The following FGF13 variants were observed in gnomAD, a reference collection of about 807,000 sequenced individuals.
FGF13 encodes fibroblast growth factor homologous factor 2.
A neutral mutation model predicts 19.5 loss-of-function variants in FGF13; 2 were observed. That is an observed-to-expected ratio of 0.10 (90% CI 0.04 to 0.32). FGF13 has a LOEUF of 0.32. Ranked by LOEUF, FGF13 falls within the 10% of genes least tolerant of loss-of-function variation. The pLI is 1.00. For missense variants in FGF13, 113 were observed against 192.7 expected, an observed-to-expected ratio of 0.59 and a Z score of 2.45; for synonymous variants, 72 against 76.9, an observed-to-expected ratio of 0.94 and a Z score of 0.33.
rs1357639276 is a variant in FGF13, at chrX:138,711,202, G to A, written c.-199C>T. ...ATGCCGTCCGAGCTCCTCCGGCGGC[G>A]GTCCGGCTCCCGCGCGGGCTGCTGG... On this transcript the variant is annotated 5_prime_UTR_variant, in exon 1 of 5. Coordinates refer to ENST00000315930, the MANE Select transcript of FGF13 (RefSeq NM_004114.5). 8 of 1,062,351 alleles carry A rather than the reference G, an allele frequency of 7.5e-6. No homozygotes were observed. The African/African-American group carries it at 1.3e-4, about 18-fold the overall frequency. 87.5% of individuals were successfully genotyped at this position (1,062,351 alleles called of 1,213,427 possible). A position where few individuals can be genotyped will look rare whatever the true frequency, so the allele number is the denominator to read the frequency against.
At chrX:138,980,657 G>A (rs1213468459) in intron 1 of FGF13, among the ~76,000 whole-genome samples, 5 of 90,322 alleles carry the variant, frequency 5.5e-5, no homozygotes, top group Non-Finnish European at 8.6e-5. Flanking sequence ...CATCACTATG[G>A]ATGCTTCCAG....
At chrX:138,754,043 A>T (rs1222807158) in intron 3 of FGF13, among the ~76,000 whole-genome samples, 1 of 112,184 alleles carries the variant, frequency 8.9e-6, no homozygotes, top group East Asian at 2.8e-4. Flanking sequence ...GTGGTAACAA[A>T]TAGTTTCCAA....
At chrX:138,838,146 C>T (rs2091125556) in intron 3 of FGF13, among the ~76,000 whole-genome samples, 4 of 111,804 alleles carry the variant, frequency 3.6e-5, no homozygotes, top group Non-Finnish European at 7.5e-5. Flanking sequence ...TGCAATACTG[C>T]TACTGGTGAC....
At chrX:138,866,878 A>G (rs896409455) in intron 1 of FGF13, among the ~76,000 whole-genome samples, 12 of 111,786 alleles carry the variant, frequency 1.1e-4, no homozygotes, top group African/African-American at 3.6e-4. Flanking sequence ...AGTATGGGTC[A>G]ATTCTCTTCT....
At chrX:138,948,280 A>G in intron 1 of FGF13, among the ~76,000 whole-genome samples, 1 of 111,524 alleles carries the variant, frequency 9.0e-6, no homozygotes, top group African/African-American at 3.3e-5. Context: ...AAAGAAGATG[A>G]TGAACATAAG....
intron 1 of FGF13, among the ~76,000 whole-genome samples, chrX:138,913,165 G>A (rs1180515782): frequency 2.2e-5 from 2 of 92,844 alleles, no homozygotes; most frequent in African/African-American, 3.9e-5. Context: ...CTTGCACCTG[G>A]AAAGAAAAAG....
intron 1 of FGF13, among the ~76,000 whole-genome samples, chrX:138,893,437 C>T (rs377581341): frequency 4.5e-5 from 5 of 110,791 alleles, no homozygotes; most frequent in South Asian, 3.9e-4. Flanking sequence ...CAGGTGGGCT[C>T]GGAAGGGATT....
rs144460270 is a variant in FGF13, at chrX:139,118,270, T to C, written c.-113+85146A>G. Among the ~76,000 whole-genome samples the C allele has an allele frequency of 5.9e-4, 66 of 112,150 alleles. No individual in the cohort carries two copies. The East Asian group carries it at 0.01, about 18-fold the overall frequency. ...ATAAAGTCAACATAAGTCGAAAATA[T>C]TGTAAGTCAAAAGTGCTTTTTCAAG... On this transcript the variant is annotated intron_variant, in intron 1 of 2. Coordinates refer to the FGF13 transcript ENST00000421460.
At chrX:138,909,449 A>G (rs1027887277) in intron 1 of FGF13, among the ~76,000 whole-genome samples, 1 of 111,964 alleles carries the variant, frequency 8.9e-6, no homozygotes, top group African/African-American at 3.2e-5. Context: ...AGCCTTCTCA[A>G]TTTGGTTTTA....
chrX:138,966,085 T>C (rs1470788373), intron 1 of FGF13, among the ~76,000 whole-genome samples: 1 of 111,574 alleles, frequency 9.0e-6, no homozygotes, highest in Admixed American at 9.5e-5. Context: ...GAGATTAACA[T>C]TTGAGTGAGT....
At chrX:138,840,497 T>G (rs1026428550) in intron 3 of FGF13, among the ~76,000 whole-genome samples, 1 of 111,907 alleles carries the variant, frequency 8.9e-6, no homozygotes, top group Non-Finnish European at 1.9e-5. Context: ...CACTGTATAC[T>G]TCTCTACAGG....
chrX:139,163,610 T>C (rs2084054418), intron 1 of FGF13, among the ~76,000 whole-genome samples: 1 of 111,262 alleles, frequency 9.0e-6, no homozygotes, highest in Admixed American at 9.6e-5. Flanking sequence ...GAGGGAGTCC[T>C]GGTCACATTG....
chrX:138,882,806 A>G (rs1184086758), intron 1 of FGF13, among the ~76,000 whole-genome samples: 1 of 111,625 alleles, frequency 9.0e-6, no homozygotes, highest in Admixed American at 9.5e-5. Context: ...TTGTTTGAGG[A>G]AGGGTTAAAG....
rs2091914331 is a variant in FGF13 at position 138,971,245 on chromosome X, TC to T, written c.-112-106596del. Among the ~76,000 whole-genome samples the T allele has an allele frequency of 6.2e-5, 7 of 112,194 alleles. No homozygotes were observed. The South Asian group carries it at 2.6e-3, about 42-fold the overall frequency. ...CTATCCTTTCTAGATCTCAGTTTCC[TC>T]TGTTAAATGGGAACAGTATCTACCT... is the stretch of plus-strand genomic sequence containing the variant. On this transcript the variant is annotated intron_variant, in intron 1 of 2. Coordinates refer to the FGF13 transcript ENST00000421460.
At position 138,702,864 on chromosome X, in the gene FGF13, T is replaced by A. The variant is rs914794571; in HGVS notation, c.402+120A>T. ...TAATCTGTCCTTTCAATGAAATATTTCCATCAACATTCTTCTCCTCATCAC... is the reference window on the plus strand; with the variant it reads ...TAATCTGTCCTTTCAATGAAATATTACCATCAACATTCTTCTCCTCATCAC... On this transcript the variant is annotated intron_variant, in intron 3 of 4. Coordinates refer to ENST00000315930, the MANE Select transcript of FGF13 (RefSeq NM_004114.5). 2.5e-5 allele frequency: 12 copies of A among 473,625 alleles called. No homozygotes were observed. In the South Asian group the frequency reaches 4.5e-4, roughly 18 times the overall value. The allele number at this position is 473,625 out of a possible 1,213,427, so 39.0% of individuals were successfully genotyped here.
chrX:138,985,756 T>C (rs761837512), intron 1 of FGF13, among the ~76,000 whole-genome samples: 80 of 112,231 alleles, frequency 7.1e-4, no homozygotes, highest in African/African-American at 2.6e-3. Flanking sequence ...TGTTAGAAAA[T>C]AAGTAAATAG....
rs1027944729 is a variant in FGF13, at chrX:138,746,291, A to C, written c.218-37363T>G. On this transcript the variant is annotated intron_variant, in intron 3 of 6. Coordinates refer to the FGF13 transcript ENST00000436198. ...TGGAGAATATGAGGGGGAAAGAGGA[A>C]GATAGGATATAGGGAGCTCTCTTAA... Among the ~76,000 whole-genome samples the C allele has an allele frequency of 3.6e-5, 4 of 110,560 alleles. No homozygotes were observed. In the Admixed American group the frequency reaches 3.9e-4, roughly 11 times the overall value.
chrX:139,057,964 T>G (rs941538531), intron 1 of FGF13, among the ~76,000 whole-genome samples: 2 of 111,967 alleles, frequency 1.8e-5, no homozygotes, highest in Non-Finnish European at 3.8e-5. Context: ...CTGATTACTA[T>G]GGTTTCTCCA....
intron 1 of FGF13, among the ~76,000 whole-genome samples, chrX:139,087,965 C>T (rs1192931675): frequency 2.7e-5 from 3 of 112,104 alleles, no homozygotes; most frequent in Non-Finnish European, 3.8e-5. Flanking sequence ...CCAGTGAACT[C>T]TCCTATTTGG....
Sources: gnomAD v4.1 joint callset for allele counts (sites outside exome capture counted in the v4.1 genomes callset) on GRCh38, gnomAD v4.1.1 for gene constraint, MANE v1.5 for transcripts, NCBI Gene and HGNC (gene_info 2026-07-23, HGNC 2026-07-21) for gene names.